PTPRJ: variants seen among roughly 807,000 people sequenced by gnomAD.
PTPRJ encodes protein tyrosine phosphatase receptor type J.
Under a neutral mutation model 141.3 loss-of-function variants are expected in PTPRJ, and 129 were observed. The ratio of observed to expected loss-of-function variants is 0.91; its 90% CI spans 0.79 to 1.06. The LOEUF (loss-of-function observed/expected upper bound fraction) is 1.06, where lower values mean the gene tolerates loss of function less well. Among genes scored for constraint, PTPRJ ranks in the 50% least tolerant of loss-of-function variants. PTPRJ has a pLI of 0.00. For missense variants in PTPRJ, 1,601 were observed against 1,679.7 expected (o/e 0.95, Z 0.82); for synonymous variants, 610 against 640.5 (o/e 0.95, Z 0.72).
intron 1 of PTPRJ, among the ~76,000 whole-genome samples, chr11:48,109,475 T>C (rs1033099962): frequency 1.3e-5 from 2 of 152,186 alleles, no homozygotes; most frequent in Non-Finnish European, 2.9e-5. Context: ...CAAGCATTAA[T>C]TCTTCCCAAA....
At chr11:48,120,307 G>A (rs7113857) in intron 3 of PTPRJ, among the ~76,000 whole-genome samples, 2 of 152,100 alleles carry the variant, frequency 1.3e-5, no homozygotes, top group Admixed American at 1.3e-4. Flanking sequence ...CTATCTTTAT[G>A]TCAGAAAACC....
rs569025517 is a variant in PTPRJ, at chr11:48,085,719, A to C, written c.97-24339A>C. ...CAATAATTTTAAGAGCATAAAGGAG[A>C]CCAAAAAGTTTAAGATGTGCTGGTC... is the stretch of plus-strand genomic sequence containing the variant. On this transcript the variant is annotated intron_variant, in intron 1 of 24. Transcript: ENST00000418331. 1.9e-4 allele frequency among the ~76,000 whole-genome samples: 29 copies of C among 152,312 alleles called. No individual in the cohort carries two copies. In the South Asian group the frequency reaches 6.0e-3, roughly 32 times the overall value.
intron 1 of PTPRJ, among the ~76,000 whole-genome samples, chr11:48,003,011 A>G (rs1465829146): frequency 1.3e-5 from 2 of 152,208 alleles, no homozygotes; most frequent in African/African-American, 4.8e-5. Context: ...CAAAATAGTT[A>G]CAAGTACAAT....
intron 1 of PTPRJ, among the ~76,000 whole-genome samples, chr11:48,053,306 AAATATAT>A (rs1327745389): frequency 4.4e-5 from 4 of 91,896 alleles, no homozygotes; most frequent in Admixed American, 1.9e-4. Flanking sequence ...TAAAATATAT[AAATATAT>A]AATATATATT....
At chr11:48,032,693 A>G (rs1854014471) in intron 1 of PTPRJ, among the ~76,000 whole-genome samples, 1 of 152,222 alleles carries the variant, frequency 6.6e-6, no homozygotes, top group Admixed American at 6.5e-5. Context: ...TGGGAGGCGG[A>G]GGTTGCAGTG....
chr11:48,053,370 T>C (rs1319138049), intron 1 of PTPRJ, among the ~76,000 whole-genome samples: 2 of 100,320 alleles, frequency 2.0e-5, no homozygotes, highest in Non-Finnish European at 3.6e-5. Flanking sequence ...AAAAATATAA[T>C]ATATATAAAA....
At chr11:48,043,899 C>T (rs762053353) in intron 1 of PTPRJ, among the ~76,000 whole-genome samples, 1 of 152,212 alleles carries the variant, frequency 6.6e-6, no homozygotes, top group Non-Finnish European at 1.5e-5. Context: ...CTCTATCTTA[C>T]AGCTTCTAAT....
chr11:48,004,958 A>G (rs889011884), intron 1 of PTPRJ, among the ~76,000 whole-genome samples: 2 of 152,204 alleles, frequency 1.3e-5, no homozygotes, highest in Non-Finnish European at 1.5e-5. Flanking sequence ...GCAGTGGCTC[A>G]TGCCTGTAAT....
intron 1 of PTPRJ, among the ~76,000 whole-genome samples, chr11:48,049,999 T>G (rs1393676220): frequency 6.6e-6 from 1 of 152,170 alleles, no homozygotes; most frequent in Non-Finnish European, 1.5e-5. Flanking sequence ...AAGAACCAGG[T>G]GAAAACTAGA....
At chr11:48,101,611 A>C (rs1011394096) in intron 1 of PTPRJ, among the ~76,000 whole-genome samples, 3 of 152,150 alleles carry the variant, frequency 2.0e-5, no homozygotes, top group Admixed American at 6.5e-5. Context: ...AGGGATGTGG[A>C]GCCTGGGGAG....
At chr11:48,132,305 G>A in intron 8 of PTPRJ, 2 of 981,828 alleles carry the variant, frequency 2.0e-6, no homozygotes, top group Non-Finnish European at 2.4e-6. Context: ...AGAGGCTGCG[G>A]CAGGAGGATT....
chr11:48,079,450 C>T (rs1855502342), intron 1 of PTPRJ, among the ~76,000 whole-genome samples: 1 of 151,860 alleles, frequency 6.6e-6, no homozygotes, highest in Non-Finnish European at 1.5e-5. Context: ...GTGAGTGATG[C>T]TGAGCTAGTC....
At chr11:48,048,379 T>G (rs527905427) in intron 1 of PTPRJ, among the ~76,000 whole-genome samples, 11 of 152,340 alleles carry the variant, frequency 7.2e-5, no homozygotes, top group African/African-American at 2.4e-4. Context: ...GGATGCTTCT[T>G]CAGGCCTGCT....
chr11:48,015,535 C>A (rs1854927622), intron 1 of PTPRJ, among the ~76,000 whole-genome samples: 1 of 151,994 alleles, frequency 6.6e-6, no homozygotes, highest in Non-Finnish European at 1.5e-5. Flanking sequence ...TATTCTAAAC[C>A]ACCACATATA....
intron 6 of PTPRJ, among the ~76,000 whole-genome samples, 179 bp downstream of exon 6, chr11:48,125,365 A>G (rs541119151): frequency 4.6e-5 from 7 of 152,076 alleles, no homozygotes; most frequent in Non-Finnish European, 8.8e-5. Flanking sequence ...CTCCATGGGC[A>G]GTGCACATCT....
At chr11:48,042,728 T>C (rs914622810) in intron 1 of PTPRJ, among the ~76,000 whole-genome samples, 9 of 151,784 alleles carry the variant, frequency 5.9e-5, no homozygotes, top group African/African-American at 2.2e-4. Context: ...CCCTGGGTTC[T>C]GACTTTCTTT....
At chr11:48,038,343 C>T (rs1226818761) in intron 1 of PTPRJ, among the ~76,000 whole-genome samples, 2 of 152,120 alleles carry the variant, frequency 1.3e-5, no homozygotes, top group East Asian at 1.9e-4. Context: ...ATGCTGATCT[C>T]GGGTTACTGC....
At chr11:48,115,555 G>A (rs1009286605) in intron 3 of PTPRJ, among the ~76,000 whole-genome samples, 1 of 152,172 alleles carries the variant, frequency 6.6e-6, no homozygotes, top group African/African-American at 2.4e-5. Context: ...ATGCTAAAGA[G>A]AGTTTTTAAG....
intron 1 of PTPRJ, among the ~76,000 whole-genome samples, chr11:48,076,923 A>G (rs1174695796): frequency 6.6e-6 from 1 of 151,906 alleles, no homozygotes; most frequent in South Asian, 2.1e-4. Flanking sequence ...GCTGGAGTGC[A>G]ATGGCGCCAT....
Sources: allele counts gnomAD v4.1 joint callset (sites outside exome capture counted in the v4.1 genomes callset), GRCh38; gene constraint gnomAD v4.1.1; transcripts MANE v1.5; gene names NCBI Gene and HGNC (gene_info 2026-07-23, HGNC 2026-07-21).